The following TATDN1 variants were observed in gnomAD, a reference collection of about 807,000 sequenced individuals.
The protein encoded by TATDN1 is TatD DNase domain containing 1.
Under a neutral mutation model 46.4 loss-of-function variants are expected in TATDN1, and 40 were observed. That is an observed-to-expected ratio of 0.86 (90% CI 0.67 to 1.12). The LOEUF is 1.12. Among genes scored for constraint, TATDN1 ranks in the 50% most tolerant of loss-of-function variants. The pLI is 0.00. For synonymous variants in TATDN1, 95 were observed against 105.6 expected (o/e 0.90, Z 0.62); for missense variants, 326 against 348.4 (o/e 0.94, Z 0.51).
At chr8:124,494,969 A>G (rs1489554621) in intron 10 of TATDN1, 1 of 154,128 alleles carries the variant, frequency 6.5e-6, no homozygotes, top group Non-Finnish European at 1.4e-5. Context: ...TGATCCGCCC[A>G]CCTCGGCCTC....
chr8:124,519,456 G>C (rs1819838822), intron 3 of TATDN1, among the ~76,000 whole-genome samples: 1 of 152,114 alleles, frequency 6.6e-6, no homozygotes, highest in Admixed American at 6.6e-5. Context: ...ACAGTCATTA[G>C]AGATTTGAAA....
chr8:124,527,774 T>C (rs1042750926), intron 1 of TATDN1, among the ~76,000 whole-genome samples: 1 of 151,662 alleles, frequency 6.6e-6, no homozygotes, highest in African/African-American at 2.4e-5. Context: ...TCCCATGTCA[T>C]TGCCAGGGTG....
intron 10 of TATDN1, 69 bp from the exon 11 acceptor site, chr8:124,494,028 A>T: frequency 2.8e-6 from 4 of 1,415,470 alleles, no homozygotes; most frequent in Non-Finnish European, 3.8e-6. Context: ...CCATTATCTA[A>T]TATATAACCT....
intron 1 of TATDN1, among the ~76,000 whole-genome samples, chr8:124,530,829 C>A (rs1820890433): frequency 1.3e-5 from 2 of 152,134 alleles, no homozygotes; most frequent in South Asian, 4.1e-4. Context: ...GGCCCTGGGT[C>A]TCATGAAAGC....
At chr8:124,531,972 A>G (rs1363119221) in intron 1 of TATDN1, among the ~76,000 whole-genome samples, 1 of 152,130 alleles carries the variant, frequency 6.6e-6, no homozygotes, top group African/African-American at 2.4e-5. Context: ...TTGCAAGCGC[A>G]ATTTTGTTTC....
chr8:124,522,863 G>A, intron 2 of TATDN1, 74 bp downstream of exon 2: 1 of 1,263,810 alleles, frequency 7.9e-7, no homozygotes, highest in South Asian at 1.2e-5. Flanking sequence ...CTTGAATTAT[G>A]CTTTTCAAGA....
intron 11 of TATDN1, among the ~76,000 whole-genome samples, chr8:124,492,856 CAG>C (rs1817141864): frequency 2.0e-5 from 3 of 151,388 alleles, no homozygotes; most frequent in East Asian, 3.9e-4. Flanking sequence ...TCTTTAGAGA[CAG>C]GGGTCTCCCT....
intron 8 of TATDN1, among the ~76,000 whole-genome samples, chr8:124,506,959 C>G (rs1043764040): frequency 2.0e-5 from 3 of 151,924 alleles, no homozygotes; most frequent in African/African-American, 7.3e-5. Flanking sequence ...GTCAAGAGAT[C>G]GAGACCATCC....
intron 1 of TATDN1, 42 bp downstream of exon 1, chr8:124,538,983 C>T: frequency 6.2e-7 from 1 of 1,612,680 alleles, no homozygotes; most frequent in Non-Finnish European, 8.5e-7. Context: ...ACGCCCGGGA[C>T]AAGTCAGAAA....
At chr8:124,522,804 C>T (rs1368825678) in intron 2 of TATDN1, 133 bp downstream of exon 2, 1 of 767,966 alleles carries the variant, frequency 1.3e-6, no homozygotes, top group African/African-American at 1.7e-5. Flanking sequence ...ATCCTCCTGC[C>T]TCAGACTCCC....
chr8:124,517,436 A>AAG (rs1819582183), intron 4 of TATDN1, among the ~76,000 whole-genome samples: 1 of 152,064 alleles, frequency 6.6e-6, no homozygotes, highest in Non-Finnish European at 1.5e-5. Context: ...AAAAAAAAAA[A>AAG]AAAAAAGAAA....
chr8:124,510,750 C>G (rs1011863196), intron 6 of TATDN1, among the ~76,000 whole-genome samples: 1 of 151,938 alleles, frequency 6.6e-6, no homozygotes, highest in Middle Eastern at 3.4e-3. Context: ...TTGAGCCTGG[C>G]GAGGTCAAGG....
chr8:124,532,222 G>A (rs1482488062), intron 1 of TATDN1, among the ~76,000 whole-genome samples: 1 of 152,138 alleles, frequency 6.6e-6, no homozygotes, highest in African/African-American at 2.4e-5. Context: ...AATGTCCTTC[G>A]ACTATGATAA....
chr8:124,520,325 T>C (rs1420191139), intron 3 of TATDN1, among the ~76,000 whole-genome samples: 1 of 151,320 alleles, frequency 6.6e-6, no homozygotes, highest in Non-Finnish European at 1.5e-5. Flanking sequence ...TAGTCCCAGC[T>C]ACTTGGGAGG....
intron 1 of TATDN1, among the ~76,000 whole-genome samples, chr8:124,528,914 A>G (rs1395644686): frequency 2.0e-5 from 3 of 152,194 alleles, no homozygotes; most frequent in Non-Finnish European, 4.4e-5. Flanking sequence ...TTTATCTAAG[A>G]AGTACAACAA....
intron 4 of TATDN1, among the ~76,000 whole-genome samples, chr8:124,518,539 A>C (rs1351036169): frequency 6.6e-6 from 1 of 151,150 alleles, no homozygotes; most frequent in Non-Finnish European, 1.5e-5. Context: ...AAAAAAAAAA[A>C]CACACCTGAG....
chr8:124,489,403 C>A (rs919958857), intron 11 of TATDN1: 1 of 146,752 alleles, frequency 6.8e-6, no homozygotes, highest in Non-Finnish European at 1.5e-5. Flanking sequence ...TCTTTCCTTT[C>A]TTTTTTTTTT....
intron 9 of TATDN1, among the ~76,000 whole-genome samples, chr8:124,498,560 GCCC>G (rs1445337460): frequency 6.6e-6 from 1 of 151,866 alleles, no homozygotes; most frequent in East Asian, 1.9e-4. Context: ...TAGGCCCAAA[GCCC>G]CCCTATTGGA....
chr8:124,488,926 A>AAATT lies in TATDN1; in HGVS notation c.792-234_792-231dup, dbSNP rs1198215553. On this transcript the variant is annotated intron_variant, in intron 11 of 11. Transcript: ENST00000276692. ...CTAGAGCTAAGAACCAGGTTCAAGT[A>AAATT]AATTATTAAAGCAGCCATCTGTATT... 5 of 450,414 alleles carry AAATT rather than the reference A, an allele frequency of 1.1e-5. No individual in the cohort carries two copies. In the Admixed American group the frequency reaches 1.7e-4, roughly 15 times the overall value. The allele number at this position is 450,414 out of a possible 1,614,324, so 27.9% of individuals were successfully genotyped here. A position where few individuals can be genotyped will look rare whatever the true frequency, so the allele number is the denominator to read the frequency against.
Sources: allele counts gnomAD v4.1 joint callset (sites outside exome capture counted in the v4.1 genomes callset), GRCh38; gene constraint gnomAD v4.1.1; transcripts MANE v1.5; gene names NCBI Gene and HGNC (gene_info 2026-07-23, HGNC 2026-07-21).